The following NBAS variants were observed in gnomAD, a reference collection of about 807,000 sequenced individuals.
NBAS encodes the protein NAG/BC035112 fusion.
Under a neutral mutation model 302.5 loss-of-function variants are expected in NBAS, and 219 were observed. The ratio of observed to expected loss-of-function variants is 0.72; its 90% CI spans 0.65 to 0.81. The LOEUF (loss-of-function observed/expected upper bound fraction) is 0.81, where lower values mean the gene tolerates loss of function less well. Ranked by LOEUF, NBAS falls within the 30% of genes least tolerant of loss-of-function variation. The pLI, the probability that NBAS is intolerant of heterozygous loss-of-function variation, is 0.00. For missense variants in NBAS, 2,932 were observed against 2,841.6 expected, an observed-to-expected ratio of 1.03 and a Z score of -0.72; for synonymous variants, 1,118 against 1,021.6, an observed-to-expected ratio of 1.09 and a Z score of -1.80.
the NBAS span, among the ~76,000 whole-genome samples, chr2:14,994,487 A>G: frequency 6.6e-6 from 1 of 152,180 alleles, no homozygotes; most frequent in Non-Finnish European, 1.5e-5. Flanking sequence ...GTGGGCTATG[A>G]TAATAACGGA....
intron 48 of NBAS, among the ~76,000 whole-genome samples, chr2:15,216,867 C>G (rs1430258514): frequency 6.6e-6 from 1 of 152,160 alleles, no homozygotes; most frequent in Admixed American, 6.5e-5. Flanking sequence ...TCAGCCTCAT[C>G]ATCCTGGCGA....
chr2:15,440,961 G>C (rs1368778713), intron 21 of NBAS, among the ~76,000 whole-genome samples: 2 of 152,016 alleles, frequency 1.3e-5, no homozygotes, highest in Non-Finnish European at 2.9e-5. Flanking sequence ...AGAGAAAAAA[G>C]AATAAAAAGA....
chr2:14,802,617 T>C, the NBAS span, among the ~76,000 whole-genome samples: 46 of 151,158 alleles, frequency 3.0e-4, no homozygotes, highest in African/African-American at 1.0e-3. Flanking sequence ...TTATTCACAA[T>C]AGCAAAGACT....
the NBAS span, among the ~76,000 whole-genome samples, chr2:14,981,548 T>C: frequency 2.6e-5 from 4 of 152,256 alleles, no homozygotes; most frequent in South Asian, 2.1e-4. Context: ...CACAAAGCTT[T>C]CCTTGGGTAC....
At chr2:15,375,289 C>A (rs1241822941) in intron 30 of NBAS, among the ~76,000 whole-genome samples, 1 of 152,070 alleles carries the variant, frequency 6.6e-6, no homozygotes, top group Non-Finnish European at 1.5e-5. Flanking sequence ...ATGTGGGATT[C>A]CCATGGAATA....
At chr2:15,221,618 ACCAGG>A (rs1367761963) in intron 47 of NBAS, among the ~76,000 whole-genome samples, 1 of 152,250 alleles carries the variant, frequency 6.6e-6, no homozygotes, top group East Asian at 1.9e-4. Context: ...AGAGAATAGA[ACCAGG>A]AAAGGCTTCA....
chr2:15,437,979 A>G (rs74597216), intron 21 of NBAS, among the ~76,000 whole-genome samples: 1,939 of 152,284 alleles, frequency 0.013, 32 homozygotes, highest in East Asian at 0.06. Context: ...CCCTTGAGAG[A>G]TAACACATAG....
the NBAS span, among the ~76,000 whole-genome samples, chr2:15,012,416 G>C: frequency 6.6e-6 from 1 of 152,030 alleles, no homozygotes. Flanking sequence ...ACACCATTAA[G>C]TGAAAAAATA....
chr2:15,154,012 C>T, the NBAS span, among the ~76,000 whole-genome samples: 1 of 152,118 alleles, frequency 6.6e-6, no homozygotes, highest in African/African-American at 2.4e-5. Context: ...ACTCTGAAGC[C>T]TAGATAGAAA....
chr2:15,413,365 A>T (rs910878328), intron 25 of NBAS, among the ~76,000 whole-genome samples: 7 of 152,190 alleles, frequency 4.6e-5, no homozygotes, highest in Non-Finnish European at 7.3e-5. Flanking sequence ...ATATATACAG[A>T]AAGCAAAGGG....
the NBAS span, among the ~76,000 whole-genome samples, chr2:14,802,498 C>T: frequency 6.5e-4 from 99 of 151,840 alleles, 1 homozygote; most frequent in African/African-American, 1.3e-3. Flanking sequence ...ATTGACTTGG[C>T]GATGCAGGCT....
rs191509679 is a variant in NBAS, at chr2:15,344,597, G to C, written c.4179+7395C>G. Among the ~76,000 whole-genome samples, 105 of 152,258 alleles carry C rather than the reference G, an allele frequency of 6.9e-4. 1 individual carries two copies. The highest frequency in any genetic ancestry group is 3.4e-3 in the Middle Eastern group (1 of 294). ...CTACCACAGGCACAAAGAGGAGCTGGGACCATTACGTCTGAAACTATTCCA... is the reference window on the plus strand; with the variant it reads ...CTACCACAGGCACAAAGAGGAGCTGCGACCATTACGTCTGAAACTATTCCA... On this transcript the variant is annotated intron_variant, in intron 35 of 51. Coordinates refer to ENST00000281513, the MANE Select transcript of NBAS (RefSeq NM_015909.4).
chr2:15,066,828 T>C, the NBAS span, among the ~76,000 whole-genome samples: 5 of 152,244 alleles, frequency 3.3e-5, no homozygotes, highest in South Asian at 6.2e-4. Context: ...AGAACTACCA[T>C]ATGATCCAGC....
chr2:15,252,891 A>T (rs1668428073), intron 44 of NBAS, among the ~76,000 whole-genome samples: 1 of 152,226 alleles, frequency 6.6e-6, no homozygotes, highest in Admixed American at 6.5e-5. Flanking sequence ...GGAAATAAAA[A>T]TATATAAAAT....
chr2:14,947,143 G>C, the NBAS span, among the ~76,000 whole-genome samples: 21 of 151,856 alleles, frequency 1.4e-4, no homozygotes, highest in African/African-American at 4.6e-4. Flanking sequence ...CCCAAAATTA[G>C]TAGACGGAAA....
the NBAS span, among the ~76,000 whole-genome samples, chr2:14,844,662 G>A: frequency 6.6e-6 from 1 of 152,154 alleles, no homozygotes; most frequent in Non-Finnish European, 1.5e-5. Context: ...TGGGTCAGAT[G>A]GGAGCCCACT....
chr2:14,974,415 G>A, the NBAS span, among the ~76,000 whole-genome samples: 3 of 152,188 alleles, frequency 2.0e-5, no homozygotes, highest in African/African-American at 4.8e-5. Context: ...TGGTAGGGGA[G>A]GTAAGAGAAA....
chr2:15,292,462 T>G, intron 41 of NBAS, 75 bp downstream of exon 41: 1 of 1,469,582 alleles, frequency 6.8e-7, no homozygotes. Context: ...GGACTGAAAT[T>G]AATAGTCCTG....
At chr2:14,831,487 C>T in the NBAS span, among the ~76,000 whole-genome samples, 5 of 152,186 alleles carry the variant, frequency 3.3e-5, no homozygotes, top group Non-Finnish European at 7.4e-5. Context: ...ATTCCTGACA[C>T]TACTTAATAA....
Sources: allele counts gnomAD v4.1 joint callset (sites outside exome capture counted in the v4.1 genomes callset), GRCh38; gene constraint gnomAD v4.1.1; transcripts MANE v1.5; gene names NCBI Gene and HGNC (gene_info 2026-07-23, HGNC 2026-07-21).